Variants in ANKRD17 observed in about 807,000 individuals in gnomAD.
The protein encoded by ANKRD17 is ankyrin repeat domain 17.
In ANKRD17, 19 loss-of-function variants were observed where a neutral mutation model predicts 229.7. That is an observed-to-expected ratio of 0.08 (90% CI 0.06 to 0.12). The LOEUF is 0.12. ANKRD17 is among the 10% of genes least tolerant of loss of function. The pLI, the probability that ANKRD17 is intolerant of heterozygous loss-of-function variation, is 1.00. For missense variants in ANKRD17, 2,176 were observed against 3,176.8 expected (o/e 0.68, Z 7.57); for synonymous variants, 1,112 against 1,146.1 (o/e 0.97, Z 0.60).
intron 15 of ANKRD17, among the ~76,000 whole-genome samples, chr4:73,137,442 G>A (rs1729048665): frequency 6.6e-6 from 1 of 152,136 alleles, no homozygotes; most frequent in African/African-American, 2.4e-5. Context: ...AGCAGGGACT[G>A]TGCTAGAGGG....
chr4:73,227,068 G>C (rs988836806), intron 1 of ANKRD17, among the ~76,000 whole-genome samples: 4 of 152,128 alleles, frequency 2.6e-5, no homozygotes, highest in African/African-American at 9.7e-5. Context: ...TGTCACTGCA[G>C]GATACCATGG....
chr4:73,112,415 A>G (rs1725429799), intron 24 of ANKRD17, among the ~76,000 whole-genome samples: 1 of 152,222 alleles, frequency 6.6e-6, no homozygotes, highest in Admixed American at 6.5e-5. Context: ...GAATATAAAA[A>G]CAGGTCAAGT....
chr4:73,083,616 A>G (rs888160088), intron 30 of ANKRD17, among the ~76,000 whole-genome samples: 1 of 152,202 alleles, frequency 6.6e-6, no homozygotes, highest in East Asian at 1.9e-4. Flanking sequence ...CTGTATTTAC[A>G]ATATAGCACT....
rs1049835384 is a variant in ANKRD17 at position 73,175,989 on chromosome 4, A to G, written c.547+1391T>C. On this transcript the variant is annotated intron_variant, in intron 2 of 33. Transcript: ENST00000358602. ...TCAAGTTAAAAAGCTTCTGCACAGG[A>G]AAAAAAAAAAAATCAACAAACTGAA... Among the ~76,000 whole-genome samples, 11 of 127,628 alleles carry G rather than the reference A, an allele frequency of 8.6e-5. No homozygotes were observed. In the South Asian group the frequency reaches 3.1e-3, roughly 36 times the overall value. 83.7% of individuals were successfully genotyped at this position (127,628 alleles called of 152,430 possible).
chr4:73,198,173 C>T (rs1347750434), intron 1 of ANKRD17, among the ~76,000 whole-genome samples: 3 of 152,076 alleles, frequency 2.0e-5, no homozygotes, highest in Admixed American at 2.0e-4. Flanking sequence ...TAATTGTCTG[C>T]AAGTATTCAC....
At chr4:73,159,815 C>G (rs1732253787) in intron 3 of ANKRD17, among the ~76,000 whole-genome samples, 1 of 152,000 alleles carries the variant, frequency 6.6e-6, no homozygotes, top group Non-Finnish European at 1.5e-5. Context: ...CCGAGGTTAA[C>G]TAAAGAAGGG....
rs1416465123 is a variant in ANKRD17, at chr4:73,214,096, A to T, written c.394-36563T>A. Among the ~76,000 whole-genome samples the T allele has an allele frequency of 2.6e-5, 4 of 152,170 alleles. No homozygotes were observed. In the East Asian group the frequency reaches 7.7e-4, roughly 29 times the overall value. ...ATCCTCAAACTCCTGACTTCCTGAA[A>T]TTCTGAATGACTAATCTTGGACTGA... On this transcript the variant is annotated intron_variant, in intron 1 of 33. Transcript: ENST00000358602.
intron 25 of ANKRD17, among the ~76,000 whole-genome samples, chr4:73,100,056 C>A (rs576393467): frequency 6.6e-6 from 1 of 152,172 alleles, no homozygotes; most frequent in Non-Finnish European, 1.5e-5. Context: ...TCCCTGCCCC[C>A]CAAGGTTCTG....
At chr4:73,140,688 C>T (rs1729487749) in intron 14 of ANKRD17, among the ~76,000 whole-genome samples, 1 of 152,152 alleles carries the variant, frequency 6.6e-6, no homozygotes, top group Non-Finnish European at 1.5e-5. Context: ...AAACAGACCT[C>T]TAAGTCAGGT....
At chr4:73,159,370 T>A (rs1308571232) in intron 3 of ANKRD17, among the ~76,000 whole-genome samples, 1 of 152,238 alleles carries the variant, frequency 6.6e-6, no homozygotes, top group Non-Finnish European at 1.5e-5. Flanking sequence ...AATTTTTCAT[T>A]CAATTTCCAT....
chr4:73,076,329 T>G, intron 33 of ANKRD17, 39 bp from the exon 34 acceptor site: 1 of 1,419,752 alleles, frequency 7.0e-7, no homozygotes, highest in South Asian at 1.5e-5. Flanking sequence ...AATATATATC[T>G]AGCATATATT....
At chr4:73,209,704 T>C (rs1380645046) in intron 1 of ANKRD17, among the ~76,000 whole-genome samples, 1 of 152,138 alleles carries the variant, frequency 6.6e-6, no homozygotes, top group African/African-American at 2.4e-5. Context: ...AACAAGATAT[T>C]AGTAAGTCAA....
chr4:73,146,690 T>C (rs1049456577), intron 10 of ANKRD17, 74 bp downstream of exon 10: 6 of 1,076,508 alleles, frequency 5.6e-6, no homozygotes, highest in Non-Finnish European at 7.9e-6. Context: ...AAATACCTTT[T>C]GTCTAGACTC....
chr4:73,229,033 A>C (rs1742791824), intron 1 of ANKRD17, among the ~76,000 whole-genome samples: 1 of 152,216 alleles, frequency 6.6e-6, no homozygotes, highest in Admixed American at 6.5e-5. Flanking sequence ...TATCGCAAGA[A>C]CAAAAAACCG....
In ANKRD17 at chr4:73,242,827, C is replaced by T. The variant is rs980111193; in HGVS notation, c.393+15449G>A. 1.5e-4 allele frequency among the ~76,000 whole-genome samples: 23 copies of T among 152,114 alleles called. 1 individual carries two copies. The highest frequency in any genetic ancestry group is 2.9e-5 in the Non-Finnish European group (2 of 68,018). On this transcript the variant is annotated intron_variant, in intron 1 of 33. Transcript: ENST00000358602. ...ACTTCCACCCACAAACTTCTTTCCA[C>T]GTAGTAAGAAACAGACATAAGAGTT...
chr4:73,086,919 A>AAAAAATATATATATATATAT (rs1553911000), intron 29 of ANKRD17, among the ~76,000 whole-genome samples: 1 of 12,462 alleles, frequency 8.0e-5, no homozygotes, highest in Admixed American at 7.6e-4. Flanking sequence ...AAAAAAAAAA[A>AAAAAATATATATATATATAT]ATATATATAT....
chr4:73,161,932 G>A (rs1332670516), intron 2 of ANKRD17, among the ~76,000 whole-genome samples: 3 of 151,650 alleles, frequency 2.0e-5, no homozygotes, highest in Non-Finnish European at 4.4e-5. Flanking sequence ...GCTGGAGTAC[G>A]GTGGCATGAT....
Position 73,161,220 on chromosome 4 carries a change from T to C in ANKRD17, c.676A>G (p.Ser226Gly). 1 of 1,614,220 alleles carries C rather than the reference T, an allele frequency of 6.2e-7. No individual in the cohort carries two copies. The highest frequency in any genetic ancestry group is 8.5e-7 in the Non-Finnish European group (1 of 1,180,040). ...AAALTRMRAE[S>G]TANAGQSDNR... ...TCCGACTGCCCTGCATTTGCTGTGC[T>C]TTCAGCTCTCATACGGGTAAGTGCA... is the stretch of plus-strand genomic sequence containing the variant. The change falls in exon 3 of 34, where the codon AGC becomes GGC. Residue 226 changes from serine (S) to glycine (G), a missense_variant. By Grantham distance (56) the Ser-to-Gly change is moderately conservative. Transcript: ENST00000358602.
intron 1 of ANKRD17, among the ~76,000 whole-genome samples, chr4:73,257,932 A>C (rs1441209757): frequency 6.6e-6 from 1 of 152,066 alleles, no homozygotes; most frequent in Non-Finnish European, 1.5e-5. Context: ...CCTCAGACTA[A>C]GGTGGCCCTA....
Sources: allele counts gnomAD v4.1 joint callset (sites outside exome capture counted in the v4.1 genomes callset), GRCh38; gene constraint gnomAD v4.1.1; transcripts MANE v1.5; gene names NCBI Gene and HGNC (gene_info 2026-07-23, HGNC 2026-07-21).